The following SLC23A2 variants were observed in gnomAD, a reference collection of about 807,000 sequenced individuals.
SLC23A2 encodes Na(+)/L-ascorbic acid transporter 2.
In SLC23A2, 36 loss-of-function variants were observed where a neutral mutation model predicts 73.3. That is an observed-to-expected ratio of 0.49 (90% confidence interval 0.38 to 0.65). The LOEUF is 0.65. SLC23A2 is among the 30% of genes least tolerant of loss of function. The pLI, the probability that SLC23A2 is intolerant of heterozygous loss-of-function variation, is 0.00. For missense variants in SLC23A2, 507 were observed against 841.6 expected, an observed-to-expected ratio of 0.60 and a Z score of 4.92; for synonymous variants, 343 against 327.3, an observed-to-expected ratio of 1.05 and a Z score of -0.52.
intron 1 of SLC23A2, among the ~76,000 whole-genome samples, chr20:5,001,018 G>A (rs1284713457): frequency 6.6e-6 from 1 of 152,152 alleles, no homozygotes; most frequent in Non-Finnish European, 1.5e-5. Flanking sequence ...AGGACGCGCG[G>A]GCGCAGAGCC....
In SLC23A2 at chr20:4,874,559, A is replaced by C. The variant is rs779088079; in HGVS notation, c.945+17T>G. On this transcript the variant is annotated intron_variant, in intron 10 of 16. Coordinates refer to ENST00000338244, the MANE Select transcript of SLC23A2 (RefSeq NM_005116.6). ...CAAGGGCAAAAATGTCAGCAGGGGAAGAAGTCAGCTACTCACAGGGAACAT... is the reference window on the plus strand; with the variant it reads ...CAAGGGCAAAAATGTCAGCAGGGGACGAAGTCAGCTACTCACAGGGAACAT... 3.3e-5 allele frequency: 52 copies of C among 1,579,742 alleles called. No homozygotes were observed. The highest frequency in any genetic ancestry group is 4.1e-5 in the Non-Finnish European group (48 of 1,163,798).
intron 4 of SLC23A2, among the ~76,000 whole-genome samples, chr20:4,906,887 G>C (rs146667942): frequency 6.6e-6 from 1 of 152,076 alleles, no homozygotes; most frequent in Non-Finnish European, 1.5e-5. Context: ...TTTGGGAGAG[G>C]GAAGGAATGC....
upstream of SLC23A2, among the ~76,000 whole-genome samples, chr20:5,001,715 C>T (rs2088130999): frequency 6.6e-6 from 1 of 151,804 alleles, no homozygotes; most frequent in African/African-American, 2.4e-5. Flanking sequence ...CATTTCCCTC[C>T]CCTGCGCAGA....
intron 3 of SLC23A2, among the ~76,000 whole-genome samples, chr20:4,920,824 C>A (rs575796911): frequency 6.8e-4 from 104 of 152,274 alleles, no homozygotes; most frequent in Non-Finnish European, 1.2e-3. Context: ...AGGCACAGAT[C>A]TGGCTGGTGG....
At chr20:5,007,055 C>G (rs2088199803) in intron 1 of SLC23A2, among the ~76,000 whole-genome samples, 1 of 151,688 alleles carries the variant, frequency 6.6e-6, no homozygotes, top group Non-Finnish European at 1.5e-5. Context: ...TGAAAACAAC[C>G]TAAACATCCA....
chr20:4,999,074 C>T (rs1383753065), intron 1 of SLC23A2, among the ~76,000 whole-genome samples: 1 of 151,778 alleles, frequency 6.6e-6, no homozygotes, highest in East Asian at 1.9e-4. Context: ...CAAAGTGCTG[C>T]GATTACAGGC....
At chr20:4,877,281 C>T (rs765431644) in intron 9 of SLC23A2, among the ~76,000 whole-genome samples, 13 of 152,186 alleles carry the variant, frequency 8.5e-5, no homozygotes, top group East Asian at 3.9e-4. Flanking sequence ...AGTCTTTTCA[C>T]GTTGAGGTAT....
rs1600068656 is a variant in SLC23A2, at chr20:4,857,638, C to T, written c.1721-434G>A. Among the ~76,000 whole-genome samples, 1 of 152,238 alleles carries T rather than the reference C, an allele frequency of 6.6e-6. No individual in the cohort carries two copies. The highest frequency in any genetic ancestry group is 1.9e-4 in the East Asian group (1 of 5,166). On this transcript the variant is annotated intron_variant, in intron 16 of 16. Transcript: ENST00000338244. The surrounding 1 kb of genome is among the most constrained non-coding windows in gnomAD (Gnocchi z 4.0). The stretch of plus-strand genomic sequence containing the variant: ...CTCCTGCCCCAGGTCTGCTCAAAAA[C>T]TACCTCTCTAGGCCAGGTGTGGTGG...
At chr20:4,935,268 CTTATCA>C (rs1235308142) in intron 2 of SLC23A2, among the ~76,000 whole-genome samples, 2 of 151,392 alleles carry the variant, frequency 1.3e-5, no homozygotes, top group Non-Finnish European at 2.9e-5. Flanking sequence ...CATCAGACTT[CTTATCA>C]TTAACAGTAA....
rs890286417 is a variant in SLC23A2 at position 4,883,205 on chromosome 20, T to C, written c.824+437A>G. On this transcript the variant is annotated intron_variant, in intron 9 of 16. Transcript: ENST00000338244. The surrounding 1 kb of genome is among the most constrained non-coding windows in gnomAD (Gnocchi z 4.5). ...GCTCAGTGTGGCCTGGGGAGAAGAG[T>C]CACATCATCAATGGCAACAGACCTT... Among the ~76,000 whole-genome samples the C allele has an allele frequency of 1.3e-5, 2 of 150,944 alleles. No individual in the cohort carries two copies. The highest frequency in any genetic ancestry group is 2.4e-5 in the African/African-American group (1 of 41,088).
chr20:4,985,581 G>A (rs543409963), intron 1 of SLC23A2, among the ~76,000 whole-genome samples: 1 of 152,038 alleles, frequency 6.6e-6, no homozygotes, highest in Non-Finnish European at 1.5e-5. Context: ...CCTAGTAGCT[G>A]GGACTACAGG....
chr20:4,880,568 A>G (rs1468199084), intron 9 of SLC23A2, among the ~76,000 whole-genome samples: 1 of 152,192 alleles, frequency 6.6e-6, no homozygotes, highest in Non-Finnish European at 1.5e-5. Flanking sequence ...ATAAGAGATA[A>G]AGCAAAGGAG....
intron 1 of SLC23A2, among the ~76,000 whole-genome samples, chr20:4,975,585 T>A (rs1180478794): frequency 6.6e-6 from 1 of 152,012 alleles, no homozygotes; most frequent in Non-Finnish European, 1.5e-5. Context: ...TTCACCATGC[T>A]GGCCAGGCTG....
At chr20:4,970,439 T>C (rs1249894273) in intron 2 of SLC23A2, among the ~76,000 whole-genome samples, 2 of 152,108 alleles carry the variant, frequency 1.3e-5, no homozygotes, top group African/African-American at 4.8e-5. Context: ...AATTCTACCA[T>C]GAAGCATAAC....
At chr20:5,001,804 C>A (rs533548614), upstream of SLC23A2, among the ~76,000 whole-genome samples, 9 of 152,052 alleles carry the variant, frequency 5.9e-5, no homozygotes, top group Admixed American at 2.0e-4. Context: ...AGCGCTGGTC[C>A]CTGAGTGTCC....
intron 3 of SLC23A2, among the ~76,000 whole-genome samples, chr20:4,924,481 GTCCT>G (rs1932605586): frequency 6.6e-6 from 1 of 152,190 alleles, no homozygotes; most frequent in South Asian, 2.1e-4. Context: ...CAGCACACCT[GTCCT>G]AGGGCCACCA....
chr20:4,988,464 A>G (rs2203908), intron 1 of SLC23A2, among the ~76,000 whole-genome samples: 61,156 of 151,604 alleles, frequency 0.4, 13,414 homozygotes, highest in East Asian at 0.61. Flanking sequence ...TTGGCTGGAC[A>G]CAGTGGCTCA....
intron 1 of SLC23A2, among the ~76,000 whole-genome samples, chr20:4,988,592 C>T (rs1460159454): frequency 3.3e-5 from 5 of 151,760 alleles, no homozygotes; most frequent in Admixed American, 1.3e-4. Flanking sequence ...AAAAATTTGC[C>T]AGGCATGGTG....
intron 6 of SLC23A2, among the ~76,000 whole-genome samples, chr20:4,891,637 G>T (rs770767064): frequency 6.6e-6 from 1 of 152,220 alleles, no homozygotes; most frequent in Non-Finnish European, 1.5e-5. Context: ...GCCCTTGCTC[G>T]CTGTGCACCC....
Sources: allele counts gnomAD v4.1 joint callset (sites outside exome capture counted in the v4.1 genomes callset), GRCh38; gene constraint gnomAD v4.1.1; non-coding constraint Gnocchi (gnomAD v3.1); transcripts MANE v1.5; gene names NCBI Gene and HGNC (gene_info 2026-07-23, HGNC 2026-07-21).